Variants in COL15A1 observed in about 807,000 individuals in gnomAD.
COL15A1 encodes the protein collagen type XV alpha 1 chain, also known as collagen alpha-1(XV) chain.
Under a neutral mutation model 165.9 loss-of-function variants are expected in COL15A1, and 111 were observed. That is an observed-to-expected ratio of 0.67 (90% CI 0.57 to 0.78). The LOEUF is 0.78. Ranked by LOEUF, COL15A1 falls within the 30% of genes least tolerant of loss-of-function variation. The pLI is 0.00. For missense variants in COL15A1, 1,745 were observed against 1,789.7 expected, an observed-to-expected ratio of 0.98 and a Z score of 0.45; for synonymous variants, 659 against 674.8, an observed-to-expected ratio of 0.98 and a Z score of 0.36.
chr9:99,018,867 T>A (rs1296619656), intron 11 of COL15A1, among the ~76,000 whole-genome samples: 1 of 152,192 alleles, frequency 6.6e-6, no homozygotes, highest in East Asian at 1.9e-4. Flanking sequence ...CTCAAAGTGG[T>A]GGAACTGTGG....
chr9:98,961,981 G>A (rs769450742), intron 2 of COL15A1, among the ~76,000 whole-genome samples: 2 of 152,256 alleles, frequency 1.3e-5, no homozygotes, highest in Admixed American at 6.5e-5. Flanking sequence ...CAGCTGCCTG[G>A]CAAAGAGGTG....
At chr9:99,058,718 G>T (rs1214722948) in intron 35 of COL15A1, among the ~76,000 whole-genome samples, 1 of 152,214 alleles carries the variant, frequency 6.6e-6, no homozygotes, top group African/African-American at 2.4e-5. Flanking sequence ...TCTCACGGAT[G>T]AAGACACTGA....
intron 2 of COL15A1, among the ~76,000 whole-genome samples, chr9:98,967,476 G>A (rs1365158949): frequency 6.6e-6 from 1 of 152,218 alleles, no homozygotes; most frequent in Non-Finnish European, 1.5e-5. Flanking sequence ...CTGCTGGCCA[G>A]CCTTCTTCCC....
rs143463260 is a variant in COL15A1, at chr9:99,062,591, C to A, written c.3591+287C>A. Among the ~76,000 whole-genome samples the A allele has an allele frequency of 2.9e-3, 444 of 152,302 alleles. 3 individuals are homozygous for A. Among genetic ancestry groups the A allele is most frequent in the Middle Eastern group, 6.8e-3 (2 of 294 alleles). ...GCCTCAGTTTGTTCATCTGTGGAAT[C>A]ATTGGTTGGTATAAGCAATCTAGAA... On this transcript the variant is annotated intron_variant, in intron 38 of 41. Transcript: ENST00000375001.
At chr9:98,996,453 G>A (rs534097396) in intron 5 of COL15A1, among the ~76,000 whole-genome samples, 1 of 152,316 alleles carries the variant, frequency 6.6e-6, no homozygotes, top group African/African-American at 2.4e-5. Context: ...GACTGGCTTT[G>A]GAAAAGCTAT....
At chr9:99,040,577 C>T (rs1179808188) in intron 23 of COL15A1, 21 bp downstream of exon 23, 2 of 1,614,216 alleles carry the variant, frequency 1.2e-6, no homozygotes, top group Non-Finnish European at 1.7e-6. Flanking sequence ...CCCTCGCTGT[C>T]TTCTATCTGT....
rs1375651910 is a variant in COL15A1 at position 98,944,038 on chromosome 9, T to C, written c.-24T>C. 1 of 1,613,642 alleles carries C rather than the reference T, an allele frequency of 6.2e-7. No individual in the cohort carries two copies. Among genetic ancestry groups the C allele is most frequent in the African/African-American group, 1.3e-5 (1 of 74,928 alleles). On this transcript the variant is annotated 5_prime_UTR_variant, in exon 1 of 42. Transcript: ENST00000375001. ...GCTCTGCTCGACTAGCCGCGCGCCT[T>C]CCGGGGCTCCGCAGACCCGCGAGAT...
intron 24 of COL15A1, among the ~76,000 whole-genome samples, chr9:99,042,597 C>T (rs956022040): frequency 3.9e-5 from 6 of 152,134 alleles, no homozygotes; most frequent in African/African-American, 1.4e-4. Flanking sequence ...TAATATGGGG[C>T]CTGGTATACA....
intron 35 of COL15A1, 152 bp from the exon 36 acceptor site, chr9:99,059,737 G>C: frequency 1.4e-6 from 1 of 739,902 alleles, no homozygotes; most frequent in Non-Finnish European, 2.2e-6. Flanking sequence ...TCACACGCTG[G>C]GGGCACAGCA....
chr9:99,009,602 A>G (rs898813498), intron 9 of COL15A1, among the ~76,000 whole-genome samples: 2 of 152,248 alleles, frequency 1.3e-5, no homozygotes, highest in African/African-American at 2.4e-5. Context: ...TATAAAAAGT[A>G]TAAAACACTT....
intron 8 of COL15A1, among the ~76,000 whole-genome samples, chr9:99,004,104 G>A (rs1158809121): frequency 6.6e-6 from 1 of 152,184 alleles, no homozygotes; most frequent in Non-Finnish European, 1.5e-5. Flanking sequence ...CAGGGGTCGG[G>A]GAGAAATGGC....
chr9:99,057,250 G>T (rs6478969), intron 35 of COL15A1, among the ~76,000 whole-genome samples: 21,696 of 152,072 alleles, frequency 0.14, 1,547 homozygotes, highest in South Asian at 0.21. Context: ...CATCCTACTT[G>T]GTATGAAGTG....
At chr9:98,983,212 G>A (rs1050827301) in intron 2 of COL15A1, among the ~76,000 whole-genome samples, 4 of 152,110 alleles carry the variant, frequency 2.6e-5, no homozygotes, top group African/African-American at 9.7e-5. Flanking sequence ...AGTTGAGATG[G>A]GGGCATGGCA....
chr9:99,056,719 C>T (rs1391039747), intron 35 of COL15A1, among the ~76,000 whole-genome samples: 2 of 152,172 alleles, frequency 1.3e-5, no homozygotes, highest in African/African-American at 4.8e-5. Flanking sequence ...CTCTTTCCCT[C>T]TCCTCCACCA....
chr9:98,951,933 T>G (rs955123307), intron 2 of COL15A1, among the ~76,000 whole-genome samples: 2 of 152,224 alleles, frequency 1.3e-5, no homozygotes, highest in African/African-American at 4.8e-5. Context: ...GATTCTACTC[T>G]GGGAAGCTGT....
At chr9:98,989,058 A>G in intron 4 of COL15A1, 120 bp from the exon 5 acceptor site, 2 of 725,624 alleles carry the variant, frequency 2.8e-6, no homozygotes, top group South Asian at 3.1e-5. Context: ...ACACACACAC[A>G]CACACACGGT....
intron 9 of COL15A1, among the ~76,000 whole-genome samples, chr9:99,014,677 A>G (rs1838899476): frequency 1.3e-5 from 2 of 152,222 alleles, no homozygotes; most frequent in African/African-American, 2.4e-5. Context: ...TGCAAAGGTC[A>G]AAGACATGCC....
At chr9:98,989,289 T>C in intron 5 of COL15A1, 31 bp downstream of exon 5, 1 of 1,561,248 alleles carries the variant, frequency 6.4e-7, no homozygotes, top group Non-Finnish European at 8.8e-7. Flanking sequence ...CCATGTGATC[T>C]TGCTCAGCTT....
intron 16 of COL15A1, among the ~76,000 whole-genome samples, chr9:99,027,677 A>G (rs1280474488): frequency 6.6e-6 from 1 of 152,180 alleles, no homozygotes; most frequent in Non-Finnish European, 1.5e-5. Context: ...AAGGAGCAGC[A>G]GGCTTGCCTA....
Sources: allele counts gnomAD v4.1 joint callset (sites outside exome capture counted in the v4.1 genomes callset), GRCh38; gene constraint gnomAD v4.1.1; transcripts MANE v1.5; gene names NCBI Gene and HGNC (gene_info 2026-07-23, HGNC 2026-07-21).